Variants in EIF3I observed in about 807,000 individuals in gnomAD.
EIF3I encodes the protein eukaryotic translation initiation factor 3 subunit I.
In EIF3I, 20 loss-of-function variants were observed where a neutral mutation model predicts 43.3. The ratio of observed to expected loss-of-function variants is 0.46; its 90% confidence interval spans 0.32 to 0.67. The LOEUF (loss-of-function observed/expected upper bound fraction) is 0.67. Ranked by LOEUF, EIF3I falls within the 30% of genes least tolerant of loss-of-function variation. The pLI is 0.03. For synonymous variants in EIF3I, 167 were observed against 151.7 expected (o/e 1.10, Z -0.74); for missense variants, 279 against 421.4 (o/e 0.66, Z 2.96).
intron 7 of EIF3I, 34 bp downstream of exon 7, chr1:32,228,643 C>T (rs376743883): frequency 3.1e-6 from 5 of 1,606,512 alleles, no homozygotes; most frequent in South Asian, 1.1e-5. Flanking sequence ...AGGGCTGCTC[C>T]CTCCCTCCGG....
chr1:32,230,346 T>C (rs1639216395), exon 10 of EIF3I, among the ~76,000 whole-genome samples: 1 of 152,132 alleles, frequency 6.6e-6, no homozygotes, highest in Admixed American at 6.5e-5. Flanking sequence ...GCGATCCTTC[T>C]ACCTCAGCTT....
exon 6 of EIF3I, chr1:32,226,413 G>T (rs1263243329): frequency 2.5e-6 from 4 of 1,606,196 alleles, no homozygotes; most frequent in Non-Finnish European, 3.4e-6. Flanking sequence ...ACAACAATGA[G>T]CCCTACATGA....
At chr1:32,233,051 T>G (rs1312965644), downstream of EIF3I, among the ~76,000 whole-genome samples, 2 of 152,224 alleles carry the variant, frequency 1.3e-5, no homozygotes, top group Non-Finnish European at 2.9e-5. Context: ...TGGAATGCAA[T>G]GGCATGATCT....
chr1:32,234,561 A>G (rs1238792039), downstream of EIF3I: 3 of 152,794 alleles, frequency 2.0e-5, no homozygotes, highest in Non-Finnish European at 2.9e-5. Context: ...TGGGTGCCTC[A>G]TGCTTGGGGT....
chr1:32,229,959 G>A (rs902134057), intron 9 of EIF3I, among the ~76,000 whole-genome samples: 2 of 152,150 alleles, frequency 1.3e-5, no homozygotes, highest in East Asian at 3.8e-4. Flanking sequence ...TATTTATTAA[G>A]CTCTTTAAGC....
intron 9 of EIF3I, among the ~76,000 whole-genome samples, chr1:32,229,449 C>T (rs904988745): frequency 2.0e-5 from 3 of 151,752 alleles, no homozygotes; most frequent in Non-Finnish European, 2.9e-5. Context: ...GGGGTTTCAC[C>T]GTGTTAGCAA....
rs879177826 is a variant in EIF3I at position 32,230,830 on chromosome 1, AATAAAT to A, written c.915-95_915-90del. The A allele has an allele frequency of 1.1e-5, 10 of 892,632 alleles. No individual in the cohort carries two copies. In the South Asian group the frequency reaches 1.4e-4, roughly 12 times the overall value. 55.3% of individuals were successfully genotyped at this position (892,632 alleles called of 1,614,324 possible). A position where few individuals can be genotyped will look rare whatever the true frequency, so the allele number is the denominator to read the frequency against. On this transcript the variant is annotated intron_variant, in intron 10 of 11. Transcript: ENST00000676679. Reference sequence around the variant, plus strand: ...CAGAGTAAGACTCCATCTCAAAATAAATAAATAATAATAACAATTTGCATTTGGGGA... The same window carrying A: ...CAGAGTAAGACTCCATCTCAAAATAAAATAATAACAATTTGCATTTGGGGA...
chr1:32,228,534 C>A, exon 7 of EIF3I: 2 of 1,614,012 alleles, frequency 1.2e-6, no homozygotes, highest in East Asian at 2.2e-5. Flanking sequence ...AGGAGCACTC[C>A]CGGCAGATCA....
At chr1:32,224,111 G>A (rs1639096301) in exon 3 of EIF3I, 1 of 1,614,164 alleles carries the variant, frequency 6.2e-7, no homozygotes, top group East Asian at 2.2e-5. Flanking sequence ...TGTGGTGTGT[G>A]GACGCTGACT....
intron 8 of EIF3I, 125 bp from the exon 9 acceptor site, chr1:32,229,010 C>T: frequency 8.6e-7 from 1 of 1,162,918 alleles, no homozygotes. Context: ...AGTGTCTGAT[C>T]ATCCCCTACC....
downstream of EIF3I, among the ~76,000 whole-genome samples, chr1:32,233,728 T>C (rs1465929351): frequency 6.6e-6 from 1 of 152,250 alleles, no homozygotes; most frequent in African/African-American, 2.4e-5. Flanking sequence ...ACCTCTGTTC[T>C]ATTGCTTTGA....
chr1:32,225,981 C>T (rs1639140000), intron 4 of EIF3I, among the ~76,000 whole-genome samples, 190 bp from the exon 5 acceptor site: 1 of 151,844 alleles, frequency 6.6e-6, no homozygotes, highest in Admixed American at 6.6e-5. Context: ...CGAGATTGCA[C>T]CACTGCACTC....
rs529641318 is a variant in EIF3I at position 32,230,502 on chromosome 1, G to A, written c.914+126G>A. Among the ~76,000 whole-genome samples, 30 of 152,210 alleles carry A rather than the reference G, an allele frequency of 2.0e-4. No individual in the cohort carries two copies. The East Asian group carries it at 5.1e-3, about 26-fold the overall frequency. Reference sequence around the variant, plus strand: ...CTCCCAAAGTGTTGGGATTACAGGCGTGAGCCACTGCGCCTCGGCTTCTGC... The same window carrying A: ...CTCCCAAAGTGTTGGGATTACAGGCATGAGCCACTGCGCCTCGGCTTCTGC... On this transcript the variant is annotated intron_variant, in intron 10 of 11. Coordinates refer to ENST00000676679, the Ensembl canonical transcript of EIF3I.
chr1:32,224,175 AG>A (rs1297607562), intron 3 of EIF3I, 54 bp downstream of exon 3: 66 of 1,581,838 alleles, frequency 4.2e-5, no homozygotes, highest in Non-Finnish European at 5.2e-5. Flanking sequence ...AGCGATGGAG[AG>A]GCTGAGTTGG....
chr1:32,226,027 G>GA (rs922213141), intron 4 of EIF3I, 144 bp from the exon 5 acceptor site: 73,692 of 853,558 alleles, frequency 0.086, no homozygotes, highest in East Asian at 0.1. Flanking sequence ...TCTCAAAAAA[G>GA]AAAAAAAAAA....
chr1:32,225,945 C>T lies in EIF3I; in HGVS notation c.251-226C>T, dbSNP rs61781204. Reference sequence around the variant, plus strand: ...CTGAGGCAGGAGAATGGCGTGAACCCGGGAGGCGGAGCTTGCAGTGAGAGC... The same window carrying T: ...CTGAGGCAGGAGAATGGCGTGAACCTGGGAGGCGGAGCTTGCAGTGAGAGC... On this transcript the variant is annotated intron_variant, in intron 4 of 11. Transcript: ENST00000676679. Among the ~76,000 whole-genome samples, 999 of 151,726 alleles carry T rather than the reference C, an allele frequency of 6.6e-3. 3 individuals are homozygous for T. The highest frequency in any genetic ancestry group is 0.011 in the Non-Finnish European group (719 of 67,932).
intron 4 of EIF3I, among the ~76,000 whole-genome samples, chr1:32,225,963 G>A (rs1318161032): frequency 6.6e-6 from 1 of 152,034 alleles, no homozygotes; most frequent in African/African-American, 2.4e-5. Flanking sequence ...GGAGCTTGCA[G>A]TGAGAGCCGA....
At chr1:32,224,042 T>C (rs750897248) in exon 3 of EIF3I, 4 of 1,614,178 alleles carry the variant, frequency 2.5e-6, no homozygotes, top group Admixed American at 1.7e-5. Context: ...AGATCGTCAA[T>C]GTATGGTACT....
Position 32,226,120 on chromosome 1 carries a change from C to T in EIF3I, c.251-51C>T, listed in dbSNP as rs1410203779. ...GTGATGGTAGCATTCTCTAGAATGT[C>T]CTCCCTGCAATTGCAATGGATGGTG... is the stretch of plus-strand genomic sequence containing the variant. On this transcript the variant is annotated intron_variant, in intron 4 of 11. Coordinates refer to ENST00000676679, the Ensembl canonical transcript of EIF3I. 4.4e-6 allele frequency: 7 copies of T among 1,594,392 alleles called. No individual in the cohort carries two copies. The Admixed American group carries it at 8.5e-5, about 19-fold the overall frequency.
Sources: allele counts gnomAD v4.1 joint callset (sites outside exome capture counted in the v4.1 genomes callset), GRCh38; gene constraint gnomAD v4.1.1; transcripts MANE v1.5; gene names NCBI Gene and HGNC (gene_info 2026-07-23, HGNC 2026-07-21).